Variants in LIPA observed in about 807,000 individuals in gnomAD.
LIPA encodes lipase A, lysosomal acid type.
In LIPA, 26 loss-of-function variants were observed where a neutral mutation model predicts 40.6. That is an observed-to-expected ratio of 0.64 (90% CI 0.47 to 0.89). LIPA has a LOEUF of 0.89. Ranked by LOEUF, LIPA falls within the 40% of genes least tolerant of loss-of-function variation. The pLI is 0.00. For synonymous variants in LIPA, 188 were observed against 168.4 expected, an observed-to-expected ratio of 1.12 and a Z score of -0.90; for missense variants, 455 against 479.6, an observed-to-expected ratio of 0.95 and a Z score of 0.48.
chr10:89,376,431 T>C (rs533372173), intron 2 of LIPA, among the ~76,000 whole-genome samples: 3 of 152,312 alleles, frequency 2.0e-5, no homozygotes, highest in South Asian at 2.1e-4. Context: ...TAAGATCTTA[T>C]GTGACGTTCC....
At chr10:89,392,428 T>C in intron 2 of LIPA, 1 of 449,720 alleles carries the variant, frequency 2.2e-6, no homozygotes, top group Middle Eastern at 6.1e-4. Flanking sequence ...GTTGCAGGTC[T>C]GCAGTTTATC....
chr10:89,215,845 A>G, intron 9 of LIPA, 93 bp downstream of exon 9: 1 of 834,672 alleles, frequency 1.2e-6, no homozygotes, highest in South Asian at 1.3e-5. Context: ...CATTTCCCAC[A>G]GCACCTGAGC....
chr10:89,396,318 CT>C (rs1337619124), intron 2 of LIPA, among the ~76,000 whole-genome samples: 1 of 152,070 alleles, frequency 6.6e-6, no homozygotes, highest in African/African-American at 2.4e-5. Context: ...TGGGCAATTT[CT>C]AAAGAAAAAA....
rs114137296 is a variant in LIPA at position 89,233,461 on chromosome 10, T to A, written c.230-5063A>T. Among the ~76,000 whole-genome samples the A allele has an allele frequency of 9.4e-3, 1,434 of 152,364 alleles. 19 individuals are homozygous for A. The highest frequency in any genetic ancestry group is 0.033 in the African/African-American group (1,368 of 41,586). On this transcript the variant is annotated intron_variant, in intron 3 of 9. Transcript: ENST00000336233. ...AAGTTTTTAATGGAAATCTGCTGTA[T>A]CTTAAGCAGTGCACTAGAAGGTAAA...
intron 3 of LIPA, among the ~76,000 whole-genome samples, chr10:89,229,986 T>C: frequency 6.6e-6 from 1 of 152,068 alleles, no homozygotes; most frequent in East Asian, 1.9e-4. Flanking sequence ...AAAAGTTAAA[T>C]AGATAAAAAG....
At chr10:89,379,698 T>C (rs1844147728) in intron 2 of LIPA, among the ~76,000 whole-genome samples, 1 of 151,832 alleles carries the variant, frequency 6.6e-6, no homozygotes, top group South Asian at 2.1e-4. Context: ...ACCACAAGAG[T>C]ACCCAAGTCT....
intron 1 of LIPA, among the ~76,000 whole-genome samples, chr10:89,312,652 A>T (rs1843522573): frequency 6.6e-6 from 1 of 151,476 alleles, no homozygotes; most frequent in Non-Finnish European, 1.5e-5. Context: ...ACTAAAAAAT[A>T]CAAAAAATTA....
intron 2 of LIPA, among the ~76,000 whole-genome samples, chr10:89,356,463 C>T (rs1843989026): frequency 6.6e-6 from 1 of 152,212 alleles, no homozygotes; most frequent in Admixed American, 6.5e-5. Context: ...TTCCCCATCA[C>T]TCACATTACT....
chr10:89,295,040 G>T (rs552938127), intron 1 of LIPA, among the ~76,000 whole-genome samples: 15 of 143,488 alleles, frequency 1.0e-4, no homozygotes, highest in South Asian at 2.2e-4. Flanking sequence ...GGAAAGGAAA[G>T]GAAAGGAAAG....
At chr10:89,349,104 A>T (rs765240893) in intron 2 of LIPA, among the ~76,000 whole-genome samples, 7 of 152,202 alleles carry the variant, frequency 4.6e-5, no homozygotes, top group Non-Finnish European at 8.8e-5. Context: ...CTTTATCTGC[A>T]TAAAGATAGA....
intron 1 of LIPA, among the ~76,000 whole-genome samples, chr10:89,287,958 C>A (rs972243963): frequency 2.0e-5 from 3 of 152,200 alleles, no homozygotes; most frequent in African/African-American, 7.2e-5. Context: ...GGATCTCAAA[C>A]ATGCTTTCTT....
intron 3 of LIPA, among the ~76,000 whole-genome samples, chr10:89,232,488 G>A (rs889360574): frequency 7.2e-5 from 11 of 152,226 alleles, no homozygotes; most frequent in African/African-American, 2.7e-4. Flanking sequence ...TAATTCCTTG[G>A]CACTTGTTCC....
intron 5 of LIPA, among the ~76,000 whole-genome samples, chr10:89,226,179 C>T (rs1842767805): frequency 6.6e-6 from 1 of 152,156 alleles, no homozygotes. Flanking sequence ...AAATGCCTAA[C>T]TCCATTTTTT....
Position 89,361,875 on chromosome 10 carries a change from C to CT in LIPA, c.61+50915dup, listed in dbSNP as rs59818683. ...AATCCACCCCCCACCCTCCACCTGC[C>CT]TTTTTTTTTTTTTTTTTTTTTTTTT... On this transcript the variant is annotated intron_variant, in intron 2 of 8. Transcript: ENST00000371837. 2.5e-4 allele frequency among the ~76,000 whole-genome samples: 10 copies of CT among 40,436 alleles called. 3 individuals carry two copies. The highest frequency in any genetic ancestry group is 6.5e-4 in the African/African-American group (6 of 9,266). 26.5% of individuals were successfully genotyped at this position (40,436 alleles called of 152,430 possible). A position where few individuals can be genotyped will look rare whatever the true frequency, so the allele number is the denominator to read the frequency against.
At chr10:89,300,561 A>C (rs1041848676) in intron 1 of LIPA, among the ~76,000 whole-genome samples, 20 of 152,232 alleles carry the variant, frequency 1.3e-4, no homozygotes, top group Admixed American at 7.9e-4. Context: ...ATCAATAAAA[A>C]GGGGGAAAAT....
intron 1 of LIPA, among the ~76,000 whole-genome samples, chr10:89,300,165 G>T (rs1843436714): frequency 6.6e-6 from 1 of 152,108 alleles, no homozygotes; most frequent in African/African-American, 2.4e-5. Context: ...AATAAGCCAG[G>T]CACAGAATGA....
chr10:89,374,555 A>G (rs1007030936), intron 2 of LIPA, among the ~76,000 whole-genome samples: 1 of 152,242 alleles, frequency 6.6e-6, no homozygotes, highest in Non-Finnish European at 1.5e-5. Flanking sequence ...CGCTGTTACT[A>G]GCAATAATTT....
rs149185911 is a variant in LIPA, at chr10:89,237,644, T to A, written c.229+8032A>T. Among the ~76,000 whole-genome samples, 539 of 152,264 alleles carry A rather than the reference T, an allele frequency of 3.5e-3. 7 individuals carry two copies. The highest frequency in any genetic ancestry group is 0.012 in the African/African-American group (505 of 41,550). On this transcript the variant is annotated intron_variant, in intron 3 of 9. Transcript: ENST00000336233. ...GAGCCTTAAAGGGAAAATATAGACA[T>A]CAGCTGTCAGTCTTTTGGCTGTACA... is the stretch of plus-strand genomic sequence containing the variant.
intron 1 of LIPA, among the ~76,000 whole-genome samples, chr10:89,329,970 G>T (rs1564787507): frequency 6.6e-6 from 1 of 152,168 alleles, no homozygotes; most frequent in Non-Finnish European, 1.5e-5. Flanking sequence ...AGGTGTGGGG[G>T]TCACAAGGTG....
Sources: gnomAD v4.1 joint callset for allele counts (sites outside exome capture counted in the v4.1 genomes callset) on GRCh38, gnomAD v4.1.1 for gene constraint, MANE v1.5 for transcripts, NCBI Gene and HGNC (gene_info 2026-07-23, HGNC 2026-07-21) for gene names.